The following TPD52 variants were observed in gnomAD, a reference collection of about 807,000 sequenced individuals.
The protein encoded by TPD52 is tumor protein D52.
A neutral mutation model predicts 31.3 loss-of-function variants in TPD52; 17 were observed. The ratio of observed to expected loss-of-function variants is 0.54; its 90% CI spans 0.37 to 0.82. The LOEUF is 0.82. TPD52 is among the 40% of genes least tolerant of loss of function. The pLI is 0.00. For missense variants in TPD52, 212 were observed against 240.1 expected (o/e 0.88, Z 0.77); for synonymous variants, 83 against 89.6 (o/e 0.93, Z 0.42).
chr8:80,040,883 T>C (rs1413164127), intron 7 of TPD52, among the ~76,000 whole-genome samples: 4 of 152,308 alleles, frequency 2.6e-5, no homozygotes, highest in Admixed American at 6.5e-5. Flanking sequence ...CAGATGCATA[T>C]TGAGCAATGT....
At chr8:80,142,909 C>T (rs1809934717) in intron 1 of TPD52, among the ~76,000 whole-genome samples, 1 of 152,164 alleles carries the variant, frequency 6.6e-6, no homozygotes, top group Admixed American at 6.5e-5. Context: ...TCCTCATGTG[C>T]ATGTAAGGAT....
intron 1 of TPD52, among the ~76,000 whole-genome samples, chr8:80,101,475 AAAG>A (rs1806736737): frequency 1.4e-5 from 2 of 138,250 alleles, no homozygotes. Flanking sequence ...AAAAAAAAAA[AAAG>A]AATTAAGCAA....
intron 1 of TPD52, among the ~76,000 whole-genome samples, chr8:80,102,144 G>A (rs2130934227): frequency 6.6e-6 from 1 of 152,318 alleles, no homozygotes; most frequent in African/African-American, 2.4e-5. Flanking sequence ...CCATCTCACA[G>A]ATTCTGAAGG....
Position 80,053,406 on chromosome 8 carries a change from A to G in TPD52, c.160T>C (p.Ser54Pro), listed in dbSNP as rs1586166102. The G allele has an allele frequency of 6.2e-7, 1 of 1,613,468 alleles. No homozygotes were observed. Among genetic ancestry groups the G allele is most frequent in the South Asian group, 1.1e-5 (1 of 91,026 alleles). Residue 54 changes from serine (S) to proline (P), a missense_variant, in exon 3 of 8, where the codon TCT becomes CCT. Transcript: ENST00000518937. ...TTCTCTTTTGCTGCTAACACTTGAG[A>G]CAGAGTCTGGATTTCTTCTTCTACC... is the stretch of plus-strand genomic sequence containing the variant. ...AKVEEEIQTL[S>P]QVLAAKEKHL...
intron 4 of TPD52, among the ~76,000 whole-genome samples, chr8:80,050,729 A>G (rs1313271574): frequency 6.6e-6 from 1 of 152,232 alleles, no homozygotes; most frequent in Non-Finnish European, 1.5e-5. Context: ...CTTTTGGTGT[A>G]AAGTATAACA....
chr8:80,076,859 AT>A (rs1204076465), intron 1 of TPD52, among the ~76,000 whole-genome samples: 1 of 152,122 alleles, frequency 6.6e-6, no homozygotes, highest in Non-Finnish European at 1.5e-5. Context: ...TTTGGTAGAG[AT>A]GGGGTTTCAC....
At chr8:80,059,842 A>C (rs955080831) in intron 2 of TPD52, among the ~76,000 whole-genome samples, 1 of 152,070 alleles carries the variant, frequency 6.6e-6, no homozygotes, top group Admixed American at 6.5e-5. Flanking sequence ...CAACGGAGTG[A>C]GGCTCCATCT....
chr8:80,131,393 C>T (rs1688512143), intron 1 of TPD52, among the ~76,000 whole-genome samples: 1 of 152,202 alleles, frequency 6.6e-6, no homozygotes, highest in South Asian at 2.1e-4. Context: ...TATATACCCT[C>T]AAATATTAAT....
intron 1 of TPD52, among the ~76,000 whole-genome samples, chr8:80,149,629 TA>T (rs1176254689): frequency 6.6e-6 from 1 of 152,168 alleles, no homozygotes; most frequent in Non-Finnish European, 1.5e-5. Flanking sequence ...GCCTTTAATC[TA>T]AATGCTGATA....
At chr8:80,083,521 A>G (rs1440474970) in intron 1 of TPD52, among the ~76,000 whole-genome samples, 2 of 152,090 alleles carry the variant, frequency 1.3e-5, no homozygotes, top group Non-Finnish European at 1.5e-5. Flanking sequence ...TTATTAAGAG[A>G]TCTTTATAAG....
At chr8:80,134,594 G>C (rs191142981) in intron 1 of TPD52, among the ~76,000 whole-genome samples, 1 of 152,364 alleles carries the variant, frequency 6.6e-6, no homozygotes. Flanking sequence ...GGGAGTAAAG[G>C]AGTATCCTTG....
chr8:80,163,744 A>C (rs564544320), intron 1 of TPD52, among the ~76,000 whole-genome samples: 16 of 152,312 alleles, frequency 1.1e-4, no homozygotes, highest in Admixed American at 3.9e-4. Context: ...ATTTATCTTA[A>C]AACAATTTCT....
At chr8:80,119,021 C>G (rs1433927579) in intron 1 of TPD52, among the ~76,000 whole-genome samples, 1 of 152,156 alleles carries the variant, frequency 6.6e-6, no homozygotes, top group Non-Finnish European at 1.5e-5. Context: ...ACCCAAATGT[C>G]CATCAACTGA....
At chr8:80,092,911 G>A (rs1008636716) in intron 1 of TPD52, among the ~76,000 whole-genome samples, 1 of 151,174 alleles carries the variant, frequency 6.6e-6, no homozygotes. Context: ...AGGTGGAAGG[G>A]GGAATAAAGA....
chr8:80,152,578 C>T (rs535261609), intron 1 of TPD52, among the ~76,000 whole-genome samples: 2 of 151,928 alleles, frequency 1.3e-5, no homozygotes, highest in Admixed American at 6.6e-5. Context: ...GTCAGGAGTC[C>T]GAGACCAGCC....
intron 1 of TPD52, among the ~76,000 whole-genome samples, chr8:80,096,460 C>T (rs977271724): frequency 1.3e-5 from 2 of 152,112 alleles, no homozygotes; most frequent in African/African-American, 2.4e-5. Flanking sequence ...TTTTACTGCA[C>T]TCCACTTCAT....
At chr8:80,115,573 C>G (rs1227525209) in intron 1 of TPD52, among the ~76,000 whole-genome samples, 1 of 152,214 alleles carries the variant, frequency 6.6e-6, no homozygotes, top group Non-Finnish European at 1.5e-5. Flanking sequence ...GAACAGCCAA[C>G]TACTAGATTT....
intron 1 of TPD52, among the ~76,000 whole-genome samples, chr8:80,149,140 T>C (rs1426781654): frequency 3.3e-5 from 5 of 152,230 alleles, no homozygotes; most frequent in Non-Finnish European, 7.3e-5. Context: ...CCGAATTTCA[T>C]CTTGAATTGC....
At chr8:80,080,335 G>A (rs1366815799) in intron 1 of TPD52, 1 of 1,614,140 alleles carries the variant, frequency 6.2e-7, no homozygotes. Context: ...AAGAGTAGGT[G>A]ATCCGGGTGG....
Sources: gnomAD v4.1 joint callset for allele counts (sites outside exome capture counted in the v4.1 genomes callset) on GRCh38, gnomAD v4.1.1 for gene constraint, MANE v1.5 for transcripts, NCBI Gene and HGNC (gene_info 2026-07-23, HGNC 2026-07-21) for gene names.